TPPP3: variants seen among roughly 807,000 people sequenced by gnomAD.
TPPP3 encodes tubulin polymerization promoting protein family member 3, also known as tubulin polymerization-promoting protein family member 3.
Under a neutral mutation model 13.1 loss-of-function variants are expected in TPPP3, and 7 were observed. The observed-to-expected ratio is 0.54, with a 90% CI of 0.30 to 1.01. TPPP3 has a LOEUF of 1.01. Among genes scored for constraint, TPPP3 ranks in the 50% least tolerant of loss-of-function variants. The pLI, the probability that TPPP3 is intolerant of heterozygous loss-of-function variation, is 0.06. For missense variants in TPPP3, 185 were observed against 235.0 expected (o/e 0.79, Z 1.39); for synonymous variants, 87 against 93.7 (o/e 0.93, Z 0.41).
In TPPP3 at chr16:67,393,284, G is replaced by A. The variant is rs1048317137; in HGVS notation, c.-7+96C>T. 1.6e-5 allele frequency: 16 copies of A among 970,252 alleles called. No individual in the cohort carries two copies. The highest frequency in any genetic ancestry group is 4.8e-5 in the South Asian group (1 of 21,000). The allele number at this position is 970,252 out of a possible 1,614,324, so 60.1% of individuals were successfully genotyped here. A position where few individuals can be genotyped will look rare whatever the true frequency, so the allele number is the denominator to read the frequency against. ...AGCTGGCTCCTCGGCTGGGACCGCC[G>A]GAGGTTGGGACCCTTTCCAGGCTGC... On this transcript the variant is annotated intron_variant, in intron 1 of 3. Coordinates refer to ENST00000393957, the MANE Select transcript of TPPP3 (RefSeq NM_015964.4). This position sits in a 1 kb window ranked among gnomAD's most constrained non-coding sequence, Gnocchi z 5.4.
chr16:67,392,885 C>T lies in TPPP3; in HGVS notation c.-7+495G>A, dbSNP rs943674131. The T allele has an allele frequency of 3.4e-5, 28 of 815,762 alleles. No individual in the cohort carries two copies. The highest frequency in any genetic ancestry group is 3.9e-5 in the Non-Finnish European group (26 of 674,698). The allele number at this position is 815,762 out of a possible 1,614,324, so 50.5% of individuals were successfully genotyped here. On this transcript the variant is annotated intron_variant, in intron 1 of 3. Transcript: ENST00000393957. The surrounding 1 kb of genome is among the most constrained non-coding windows in gnomAD (Gnocchi z 4.9). ...TTACAGGGACCATAACCCCAGTCCA[C>T]GCTGCACTCCCCTTCCCTTTCCCTG...
chr16:67,390,502 C>G lies in TPPP3; in HGVS notation c.319G>C (p.Glu107Gln), dbSNP rs139206234. The G allele has an allele frequency of 2.6e-4, 422 of 1,613,968 alleles. 1 individual carries two copies. In the African/African-American group the frequency reaches 5.2e-3, roughly 20 times the overall value. Reference sequence around the variant, plus strand: ...ACAGTGACGCCCACATTGGCTGGCTCTTTGCCTGCCACCAGCTGGCAGATG... The same window carrying G: ...ACAGTGACGCCCACATTGGCTGGCTGTTTGCCTGCCACCAGCTGGCAGATG... Reference protein sequence around the residue: ...DAICQLVAGKEPANVGVTKAK... With the variant: ...DAICQLVAGKQPANVGVTKAK... The change falls in exon 3 of 4, where the codon GAG (glutamate) becomes CAG (glutamine). Residue 107 changes from glutamate (E) to glutamine (Q), a missense_variant. Coordinates refer to ENST00000393957, the MANE Select transcript of TPPP3 (RefSeq NM_015964.4). This position sits in a 1 kb window ranked among gnomAD's most constrained non-coding sequence, Gnocchi z 6.4.
chr16:67,391,745 G>T lies in TPPP3; in HGVS notation c.-6-628C>A, dbSNP rs953877912. On this transcript the variant is annotated intron_variant, in intron 1 of 3. Coordinates refer to ENST00000393957, the MANE Select transcript of TPPP3 (RefSeq NM_015964.4). The surrounding 1 kb of genome is among the most constrained non-coding windows in gnomAD (Gnocchi z 6.3). ...CCACAGTTTGTGAAGCCTGGAGACG[G>T]TTGCTAAGGGAGGGTGGTGCTGCTT... The T allele has an allele frequency of 2.6e-5, 4 of 153,146 alleles. No homozygotes were observed. Among genetic ancestry groups the T allele is most frequent in the Non-Finnish European group, 5.8e-5 (4 of 68,718 alleles). The allele number at this position is 153,146 out of a possible 1,614,324, so 9.5% of individuals were successfully genotyped here.
rs555714374 is a variant in TPPP3 at position 67,392,262 on chromosome 16, C to A, written c.-7+1118G>T. Among the ~76,000 whole-genome samples, 2 of 151,788 alleles carry A rather than the reference C, an allele frequency of 1.3e-5. No homozygotes were observed. Among genetic ancestry groups the A allele is most frequent in the East Asian group, 3.9e-4 (2 of 5,178 alleles). ...CCACCAGCCCCCACATATATACTAACAAGCCTGCGCCAACCCCAGTAATAC... is the reference window on the plus strand; with the variant it reads ...CCACCAGCCCCCACATATATACTAAAAAGCCTGCGCCAACCCCAGTAATAC... On this transcript the variant is annotated intron_variant, in intron 1 of 3. Coordinates refer to ENST00000393957, the MANE Select transcript of TPPP3 (RefSeq NM_015964.4). This position sits in a 1 kb window ranked among gnomAD's most constrained non-coding sequence, Gnocchi z 4.9.
chr16:67,390,878 C>A lies in TPPP3; in HGVS notation c.188+46G>T. The A allele has an allele frequency of 1.3e-6, 2 of 1,586,736 alleles. No individual in the cohort carries two copies. Among genetic ancestry groups the A allele is most frequent in the East Asian group, 2.2e-5 (1 of 44,558 alleles). On this transcript the variant is annotated intron_variant, in intron 2 of 3. Transcript: ENST00000393957. This position sits in a 1 kb window ranked among gnomAD's most constrained non-coding sequence, Gnocchi z 6.4. ...CCTCCCTGGTTCCAGCCCCCCAGTTCCCCACCTCCTGGGAACATGAGAAGC... is the reference window on the plus strand; with the variant it reads ...CCTCCCTGGTTCCAGCCCCCCAGTTACCCACCTCCTGGGAACATGAGAAGC...
Position 67,390,054 on chromosome 16 carries a change from G to A in TPPP3, c.*120C>T, listed in dbSNP as rs1037377953. On this transcript the variant is annotated 3_prime_UTR_variant, in exon 4 of 4. Transcript: ENST00000393957. The surrounding 1 kb of genome is among the most constrained non-coding windows in gnomAD (Gnocchi z 6.4). Reference sequence around the variant, plus strand: ...CCAGCCCAGTGGGACTAGGCAGGAAGCTCTGGGTGGCAGGTCCAGCAGGGA... The same window carrying A: ...CCAGCCCAGTGGGACTAGGCAGGAAACTCTGGGTGGCAGGTCCAGCAGGGA... 1.2e-5 allele frequency: 13 copies of A among 1,124,374 alleles called. No homozygotes were observed. In the African/African-American group the frequency reaches 1.7e-4, roughly 15 times the overall value. 69.6% of individuals were successfully genotyped at this position (1,124,374 alleles called of 1,614,324 possible). A position where few individuals can be genotyped will look rare whatever the true frequency, so the allele number is the denominator to read the frequency against.
In TPPP3 at chr16:67,392,406, G is replaced by C. The variant is rs2040339138; in HGVS notation, c.-7+974C>G. Among the ~76,000 whole-genome samples, 1 of 150,640 alleles carries C rather than the reference G, an allele frequency of 6.6e-6. No individual in the cohort carries two copies. Among genetic ancestry groups the C allele is most frequent in the Non-Finnish European group, 1.5e-5 (1 of 67,558 alleles). ...CCCACACCCGCAGCCCTGGGGCTGA[G>C]GCCCCTGGCCACAAACCTGCATCCC... On this transcript the variant is annotated intron_variant, in intron 1 of 3. Transcript: ENST00000393957. The surrounding 1 kb of genome is among the most constrained non-coding windows in gnomAD (Gnocchi z 4.9).
chr16:67,393,396 A>C lies in TPPP3; in HGVS notation c.-23T>G. 2.0e-6 allele frequency: 2 copies of C among 985,496 alleles called. No individual in the cohort carries two copies. The highest frequency in any genetic ancestry group is 2.4e-6 in the Non-Finnish European group (2 of 830,012). The allele number at this position is 985,496 out of a possible 1,614,324, so 61.0% of individuals were successfully genotyped here. ...GGCTTCTACCTCGCGGCTGCTCCTG[A>C]AGTGTGCGTTCGGAAGGACAGAACG... On this transcript the variant is annotated 5_prime_UTR_variant, in exon 1 of 4. Coordinates refer to ENST00000393957, the MANE Select transcript of TPPP3 (RefSeq NM_015964.4). This position sits in a 1 kb window ranked among gnomAD's most constrained non-coding sequence, Gnocchi z 5.4.
rs1338189017 is a variant in TPPP3 at position 67,393,486 on chromosome 16, C to T, written c.-113G>A. The T allele has an allele frequency of 2.0e-6, 2 of 985,444 alleles. No homozygotes were observed. Among genetic ancestry groups the T allele is most frequent in the African/African-American group, 1.7e-5 (1 of 57,248 alleles). The allele number at this position is 985,444 out of a possible 1,614,324, so 61.0% of individuals were successfully genotyped here. On this transcript the variant is annotated 5_prime_UTR_variant, in exon 1 of 4. Coordinates refer to ENST00000393957, the MANE Select transcript of TPPP3 (RefSeq NM_015964.4). This position sits in a 1 kb window ranked among gnomAD's most constrained non-coding sequence, Gnocchi z 5.4. ...TCCGCAGCTCCGCTCCCTGCCGGCTCCCGGGTGGGACTGCAGCCCAGGCGG... is the reference window on the plus strand; with the variant it reads ...TCCGCAGCTCCGCTCCCTGCCGGCTTCCGGGTGGGACTGCAGCCCAGGCGG...
At position 67,392,932 on chromosome 16, in the gene TPPP3, C is replaced by G. The variant is rs1048369646; in HGVS notation, c.-7+448G>C. On this transcript the variant is annotated intron_variant, in intron 1 of 3. Transcript: ENST00000393957. The surrounding 1 kb of genome is among the most constrained non-coding windows in gnomAD (Gnocchi z 4.9). ...CCTGGGTGCAACCTCCCACCAGGGA[C>G]CCCAAGACCCGCACTTGGTTCACCA... The G allele has an allele frequency of 1.0e-6, 1 of 983,872 alleles. No homozygotes were observed. The highest frequency in any genetic ancestry group is 1.7e-5 in the African/African-American group (1 of 57,186). The allele number at this position is 983,872 out of a possible 1,614,324, so 60.9% of individuals were successfully genotyped here. A position where few individuals can be genotyped will look rare whatever the true frequency, so the allele number is the denominator to read the frequency against.
In TPPP3 at chr16:67,390,822, T is replaced by A. The variant is rs1016286571; in HGVS notation, c.188+102A>T. On this transcript the variant is annotated intron_variant, in intron 2 of 3. Transcript: ENST00000393957. The surrounding 1 kb of genome is among the most constrained non-coding windows in gnomAD (Gnocchi z 6.4). ...TGCCCTGGAAGAACGACCTTCGTGA[T>A]CATGGTGTTTCCCTGACCCCTTCTT... 7.0e-7 allele frequency: 1 copy of A among 1,431,808 alleles called. No individual in the cohort carries two copies. Among genetic ancestry groups the A allele is most frequent in the Non-Finnish European group, 9.4e-7 (1 of 1,063,360 alleles). 88.7% of individuals were successfully genotyped at this position (1,431,808 alleles called of 1,614,324 possible).
chr16:67,393,187 G>C lies in TPPP3; in HGVS notation c.-7+193C>G. 1 of 616,730 alleles carries C rather than the reference G, an allele frequency of 1.6e-6. No homozygotes were observed. The highest frequency in any genetic ancestry group is 2.0e-6 in the Non-Finnish European group (1 of 493,128). The allele number at this position is 616,730 out of a possible 1,614,324, so 38.2% of individuals were successfully genotyped here. ...CGTCCCGCTCCCACTGGGACAGCTG[G>C]AGTCATCAATCAGCCGGACCAGGAG... On this transcript the variant is annotated intron_variant, in intron 1 of 3. Coordinates refer to ENST00000393957, the MANE Select transcript of TPPP3 (RefSeq NM_015964.4). The surrounding 1 kb of genome is among the most constrained non-coding windows in gnomAD (Gnocchi z 5.4).
chr16:67,392,486 C>T lies in TPPP3; in HGVS notation c.-7+894G>A, dbSNP rs1475056271. On this transcript the variant is annotated intron_variant, in intron 1 of 3. Coordinates refer to ENST00000393957, the MANE Select transcript of TPPP3 (RefSeq NM_015964.4). This position sits in a 1 kb window ranked among gnomAD's most constrained non-coding sequence, Gnocchi z 4.9. ...CACTCACCCCCTCCAATACCCGCAG[C>T]CCTTTATCAAGGCGCCCTGACCCTC... Among the ~76,000 whole-genome samples the T allele has an allele frequency of 6.6e-6, 1 of 151,976 alleles. No individual in the cohort carries two copies. The highest frequency in any genetic ancestry group is 6.5e-5 in the Admixed American group (1 of 15,276).
In TPPP3 at chr16:67,391,587, G is replaced by A. The variant is rs1044704907; in HGVS notation, c.-6-470C>T. 6.2e-6 allele frequency: 1 copy of A among 160,690 alleles called. No homozygotes were observed. The highest frequency in any genetic ancestry group is 6.1e-5 in the Admixed American group (1 of 16,304). The allele number at this position is 160,690 out of a possible 1,614,324, so 10.0% of individuals were successfully genotyped here. ...TTCAGTGAGGACAGCATCTCTGTAA[G>A]GGTCATGAGGACCCAGCAAGAGCCA... is the stretch of plus-strand genomic sequence containing the variant. On this transcript the variant is annotated intron_variant, in intron 1 of 3. Transcript: ENST00000393957. This position sits in a 1 kb window ranked among gnomAD's most constrained non-coding sequence, Gnocchi z 6.3.
Position 67,391,022 on chromosome 16 carries a change from C to T in TPPP3, c.90G>A (p.Met30Ile). The T allele has an allele frequency of 6.2e-7, 1 of 1,614,260 alleles. No homozygotes were observed. The highest frequency in any genetic ancestry group is 8.5e-7 in the Non-Finnish European group (1 of 1,180,048). The part of the protein sequence containing the change: ...HGDPKASGQE[M>I]NGKNWAKLCK... The stretch of plus-strand genomic sequence containing the variant: ...ACAGCTTGGCCCAGTTCTTGCCATT[C>T]ATCTCTTGCCCACTGGCCTTGGGGT... The change falls in exon 2 of 4, where the codon ATG becomes ATA. Residue 30 changes from methionine to isoleucine, a missense_variant. Transcript: ENST00000393957. The surrounding 1 kb of genome is among the most constrained non-coding windows in gnomAD (Gnocchi z 6.3).
In TPPP3 at chr16:67,391,683, TAAAC is replaced by T. The variant is rs2040329288; in HGVS notation, c.-6-570_-6-567del. 1 of 153,410 alleles carries T rather than the reference TAAAC, an allele frequency of 6.5e-6. No individual in the cohort carries two copies. The allele number at this position is 153,410 out of a possible 1,614,324, so 9.5% of individuals were successfully genotyped here. A position where few individuals can be genotyped will look rare whatever the true frequency, so the allele number is the denominator to read the frequency against. ...GCAAGGCCTTGTTACTATTTGCTGT[TAAAC>T]AAAAACATGAGGGGAGCTTGGGGCT... is the stretch of plus-strand genomic sequence containing the variant. On this transcript the variant is annotated intron_variant, in intron 1 of 3. Transcript: ENST00000393957. This position sits in a 1 kb window ranked among gnomAD's most constrained non-coding sequence, Gnocchi z 6.3.
At position 67,391,129 on chromosome 16, in the gene TPPP3, C is replaced by A; in HGVS notation, c.-6-12G>T. ...GCTGCCATGCCACCCTATAGAGACC[C>A]ACCTGGGTCATCTCCCAGCCAATCT... On this transcript the variant is annotated splice_polypyrimidine_tract_variant and intron_variant, in intron 1 of 3. Coordinates refer to ENST00000393957, the MANE Select transcript of TPPP3 (RefSeq NM_015964.4). This position sits in a 1 kb window ranked among gnomAD's most constrained non-coding sequence, Gnocchi z 6.3. 1 of 1,611,888 alleles carries A rather than the reference C, an allele frequency of 6.2e-7. No individual in the cohort carries two copies. Among genetic ancestry groups the A allele is most frequent in the Non-Finnish European group, 8.5e-7 (1 of 1,178,640 alleles).
Position 67,390,577 on chromosome 16 carries a change from G to C in TPPP3, c.244C>G (p.Leu82Val). The C allele has an allele frequency of 6.2e-7, 1 of 1,613,976 alleles. No homozygotes were observed. The highest frequency in any genetic ancestry group is 8.5e-7 in the Non-Finnish European group (1 of 1,180,016). The change falls in exon 3 of 4, where the codon CTG becomes GTG. Residue 82 changes from leucine to valine, a missense_variant. Coordinates refer to ENST00000393957, the MANE Select transcript of TPPP3 (RefSeq NM_015964.4). The surrounding 1 kb of genome is among the most constrained non-coding windows in gnomAD (Gnocchi z 6.4). ...YEEFKKALEE[L>V]ATKRFKGKSK... is the part of the protein sequence containing the mutation. ...TTCCCCTTGAATCTCTTGGTCGCCA[G>C]CTCTTCCAGGGCCTTCTTGAACTCC... is the stretch of plus-strand genomic sequence containing the variant.
rs1452225152 is a variant in TPPP3 at position 67,392,750 on chromosome 16, C to T, written c.-7+630G>A. On this transcript the variant is annotated intron_variant, in intron 1 of 3. Transcript: ENST00000393957. The surrounding 1 kb of genome is among the most constrained non-coding windows in gnomAD (Gnocchi z 4.9). ...ACACTAGGGCTTCCAGTGACCACGG[C>T]CTGGGCTCTGCCCGGCTGCCCCATC... Among the ~76,000 whole-genome samples, 1 of 152,174 alleles carries T rather than the reference C, an allele frequency of 6.6e-6. No homozygotes were observed. Among genetic ancestry groups the T allele is most frequent in the Non-Finnish European group, 1.5e-5 (1 of 68,028 alleles).
Sources: allele counts gnomAD v4.1 joint callset (sites outside exome capture counted in the v4.1 genomes callset), GRCh38; gene constraint gnomAD v4.1.1; non-coding constraint Gnocchi (gnomAD v3.1); transcripts MANE v1.5; gene names NCBI Gene and HGNC (gene_info 2026-07-23, HGNC 2026-07-21).